MBOAT1: variants seen among roughly 807,000 people sequenced by gnomAD.
MBOAT1 encodes membrane-bound glycerophospholipid O-acyltransferase 1.
In MBOAT1, 67 loss-of-function variants were observed where a neutral mutation model predicts 64.4. The observed-to-expected ratio is 1.04, with a 90% CI of 0.85 to 1.27. The LOEUF (loss-of-function observed/expected upper bound fraction) is 1.27. Among genes scored for constraint, MBOAT1 ranks in the 50% most tolerant of loss-of-function variants. The probability of loss-of-function intolerance (pLI) is 0.00; values close to 1 mark genes in which losing one functional copy is unlikely to be tolerated. For missense variants in MBOAT1, 563 were observed against 604.6 expected, an observed-to-expected ratio of 0.93 and a Z score of 0.72; for synonymous variants, 229 against 218.9, an observed-to-expected ratio of 1.05 and a Z score of -0.41.
chr6:20,148,621 G>A (rs1328440602), intron 3 of MBOAT1, among the ~76,000 whole-genome samples: 2 of 152,170 alleles, frequency 1.3e-5, no homozygotes, highest in African/African-American at 2.4e-5. Flanking sequence ...TGTGACATAT[G>A]GAGAAGTTGC....
chr6:20,106,128 G>T (rs1759949133), intron 12 of MBOAT1, among the ~76,000 whole-genome samples: 1 of 152,168 alleles, frequency 6.6e-6, no homozygotes, highest in African/African-American at 2.4e-5. Context: ...CCAAGGGGAG[G>T]AACAGATCTG....
At chr6:20,150,083 G>A (rs1227451851) in intron 3 of MBOAT1, among the ~76,000 whole-genome samples, 2 of 152,138 alleles carry the variant, frequency 1.3e-5, no homozygotes, top group African/African-American at 2.4e-5. Context: ...AAAAGGCAGA[G>A]CTAATCCTGA....
chr6:20,136,998 T>A (rs1456387248), intron 4 of MBOAT1, among the ~76,000 whole-genome samples: 1 of 152,222 alleles, frequency 6.6e-6, no homozygotes, highest in Non-Finnish European at 1.5e-5. Flanking sequence ...AATTTAATCA[T>A]TCATCTCTTT....
chr6:20,180,532 AC>A (rs1301889073), intron 1 of MBOAT1, among the ~76,000 whole-genome samples: 5 of 152,202 alleles, frequency 3.3e-5, no homozygotes, highest in African/African-American at 7.2e-5. Flanking sequence ...TCCAATAAAC[AC>A]CACAGCTCTG....
chr6:20,138,662 G>C (rs1262458630), intron 4 of MBOAT1, among the ~76,000 whole-genome samples: 1 of 152,228 alleles, frequency 6.6e-6, no homozygotes, highest in East Asian at 1.9e-4. Flanking sequence ...AGAACAGCCA[G>C]AGATGCAGAC....
chr6:20,168,643 G>GA lies in MBOAT1; in HGVS notation c.100-15875dup, dbSNP rs1299997880. Among the ~76,000 whole-genome samples the GA allele has an allele frequency of 1.2e-3, 133 of 113,584 alleles. 1 individual carries two copies. Among genetic ancestry groups the GA allele is most frequent in the Middle Eastern group, 8.6e-3 (2 of 232 alleles). The allele number at this position is 113,584 out of a possible 152,430, so 74.5% of individuals were successfully genotyped here. A position where few individuals can be genotyped will look rare whatever the true frequency, so the allele number is the denominator to read the frequency against. On this transcript the variant is annotated intron_variant, in intron 1 of 12. Transcript: ENST00000324607. ...GAAGAGAAGAGAAGAGAAGAGAAGA[G>GA]AGGAGAGGAGAGGGAAAGAGAGAAA...
chr6:20,188,857 G>T (rs911579590), intron 1 of MBOAT1, among the ~76,000 whole-genome samples: 1 of 152,252 alleles, frequency 6.6e-6, no homozygotes, highest in South Asian at 2.1e-4. Flanking sequence ...CCCTGTGCAA[G>T]TTCCTTTATC....
chr6:20,194,296 T>C (rs1762892629), intron 1 of MBOAT1, among the ~76,000 whole-genome samples: 1 of 152,236 alleles, frequency 6.6e-6, no homozygotes, highest in African/African-American at 2.4e-5. Flanking sequence ...CCGATGGTGA[T>C]ATATTAACTT....
chr6:20,108,743 T>C (rs1417121107), intron 12 of MBOAT1, among the ~76,000 whole-genome samples: 1 of 152,230 alleles, frequency 6.6e-6, no homozygotes, highest in East Asian at 1.9e-4. Context: ...ATTTATTGAG[T>C]ACAGACTATA....
Position 20,126,420 on chromosome 6 carries a change from G to A in MBOAT1, c.714+97C>T, listed in dbSNP as rs546130559. 5.7e-6 allele frequency: 6 copies of A among 1,044,850 alleles called. No individual in the cohort carries two copies. The South Asian group carries it at 1.0e-4, about 17-fold the overall frequency. 64.7% of individuals were successfully genotyped at this position (1,044,850 alleles called of 1,614,324 possible). On this transcript the variant is annotated intron_variant, in intron 7 of 12. Transcript: ENST00000324607. The stretch of plus-strand genomic sequence containing the variant: ...ATAAATGAGAAAAGTTATTGGCCAA[G>A]CTTTCTGGTAAACTGTTTGGCTTCT...
intron 2 of MBOAT1, among the ~76,000 whole-genome samples, chr6:20,152,350 T>TAAAC (rs1395856427): frequency 3.2e-4 from 20 of 61,892 alleles, no homozygotes; most frequent in African/African-American, 7.3e-4. Context: ...AAAAAATAAA[T>TAAAC]AAATAAATAA....
rs576649070 is a variant in MBOAT1, at chr6:20,191,697, G to T, written c.99+20439C>A. Reference sequence around the variant, plus strand: ...CACCACATTGGACAAGCCCAACAGGGCAATTGCAGAGATGAGATGACCCAT... The same window carrying T: ...CACCACATTGGACAAGCCCAACAGGTCAATTGCAGAGATGAGATGACCCAT... On this transcript the variant is annotated intron_variant, in intron 1 of 12. Coordinates refer to ENST00000324607, the MANE Select transcript of MBOAT1 (RefSeq NM_001080480.3). Among the ~76,000 whole-genome samples, 7 of 152,264 alleles carry T rather than the reference G, an allele frequency of 4.6e-5. No individual in the cohort carries two copies. The South Asian group carries it at 1.5e-3, about 32-fold the overall frequency.
intron 1 of MBOAT1, among the ~76,000 whole-genome samples, chr6:20,160,979 G>A (rs1581433696): frequency 1.3e-5 from 2 of 152,000 alleles, no homozygotes; most frequent in Non-Finnish European, 1.5e-5. Context: ...CTAATTCAGG[G>A]GTTCCCAACC....
chr6:20,138,572 C>T (rs1327958340), intron 4 of MBOAT1, among the ~76,000 whole-genome samples: 1 of 152,152 alleles, frequency 6.6e-6, no homozygotes, highest in Non-Finnish European at 1.5e-5. Flanking sequence ...TTGATAATTT[C>T]AGAATTCTGA....
intron 1 of MBOAT1, among the ~76,000 whole-genome samples, chr6:20,183,218 A>T (rs1485749320): frequency 2.0e-5 from 3 of 152,074 alleles, no homozygotes; most frequent in East Asian, 1.9e-4. Context: ...CCATGGTATG[A>T]TCTACCTGGA....
chr6:20,152,252 A>T (rs991778611), intron 2 of MBOAT1, among the ~76,000 whole-genome samples: 1 of 152,006 alleles, frequency 6.6e-6, no homozygotes, highest in African/African-American at 2.4e-5. Context: ...ACTTGAACCC[A>T]GGAGGCGGAG....
rs549402849 is a variant in MBOAT1 at position 20,117,566 on chromosome 6, C to G, written c.1011+871G>C. ...GGCAAAAGATGTTGGGGGCTTCCCC[C>G]ATGCCTCCTTCTGGCCTAGTTTCCA... On this transcript the variant is annotated intron_variant, in intron 9 of 12. Coordinates refer to ENST00000324607, the MANE Select transcript of MBOAT1 (RefSeq NM_001080480.3). Among the ~76,000 whole-genome samples the G allele has an allele frequency of 3.9e-5, 6 of 152,336 alleles. No homozygotes were observed. In the South Asian group the frequency reaches 1.2e-3, roughly 32 times the overall value.
At chr6:20,186,382 C>A (rs1391117655) in intron 1 of MBOAT1, among the ~76,000 whole-genome samples, 1 of 152,278 alleles carries the variant, frequency 6.6e-6, no homozygotes, top group African/African-American at 2.4e-5. Context: ...TCTCTCTCCA[C>A]TCTACAGCCC....
chr6:20,154,427 G>T (rs1321782358), intron 1 of MBOAT1, among the ~76,000 whole-genome samples: 1 of 152,092 alleles, frequency 6.6e-6, no homozygotes, highest in Non-Finnish European at 1.5e-5. Flanking sequence ...CAGCTACTTG[G>T]GAGGCTGAAG....
Sources: allele counts gnomAD v4.1 joint callset (sites outside exome capture counted in the v4.1 genomes callset), GRCh38; gene constraint gnomAD v4.1.1; transcripts MANE v1.5; gene names NCBI Gene and HGNC (gene_info 2026-07-23, HGNC 2026-07-21).